The following WDPCP variants were observed in gnomAD, a reference collection of about 807,000 sequenced individuals.
WDPCP encodes WD repeat containing planar cell polarity effector.
A neutral mutation model predicts 93.1 loss-of-function variants in WDPCP; 71 were observed. The ratio of observed to expected loss-of-function variants is 0.76; its 90% CI spans 0.63 to 0.93. The LOEUF (loss-of-function observed/expected upper bound fraction) is 0.93. WDPCP is among the 40% of genes least tolerant of loss of function. WDPCP has a pLI of 0.00. For missense variants in WDPCP, 844 were observed against 887.4 expected (o/e 0.95, Z 0.62); for synonymous variants, 315 against 315.0 (o/e 1.00, Z 0.00).
chr2:63,241,551 C>T (rs955988988), intron 14 of WDPCP, among the ~76,000 whole-genome samples: 18 of 152,068 alleles, frequency 1.2e-4, no homozygotes, highest in Non-Finnish European at 8.8e-5. Context: ...CCATGTATCA[C>T]CTCTTGGATA....
chr2:63,167,611 T>C (rs1447575455), intron 15 of WDPCP, among the ~76,000 whole-genome samples: 1 of 152,204 alleles, frequency 6.6e-6, no homozygotes, highest in Non-Finnish European at 1.5e-5. Flanking sequence ...ACATTGTGAT[T>C]GGAGAGTGTT....
chr2:63,571,029 T>C (rs1575670943), intron 1 of WDPCP, among the ~76,000 whole-genome samples: 1 of 151,984 alleles, frequency 6.6e-6, no homozygotes, highest in South Asian at 2.1e-4. Context: ...CTCAGCCTCC[T>C]GAACAGCTGG....
chr2:63,806,614 C>T (rs907806586), intron 2 of WDPCP, among the ~76,000 whole-genome samples: 8 of 152,224 alleles, frequency 5.3e-5, no homozygotes, highest in South Asian at 2.1e-4. Flanking sequence ...CTATGGGAGA[C>T]GAGTCTATCT....
In WDPCP at chr2:63,121,984, A is replaced by G; in HGVS notation, c.*22T>C. 1 of 1,612,988 alleles carries G rather than the reference A, an allele frequency of 6.2e-7. No individual in the cohort carries two copies. The highest frequency in any genetic ancestry group is 8.5e-7 in the Non-Finnish European group (1 of 1,179,628). ...TGAAAAGTTTAGATATGAAGAAGGC[A>G]GTTTTCTTTTTTTCTTAATGTTTAC... On this transcript the variant is annotated 3_prime_UTR_variant, in exon 18 of 18. Coordinates refer to ENST00000272321, the MANE Select transcript of WDPCP (RefSeq NM_015910.7).
chr2:63,396,513 G>A (rs1053152037), intron 10 of WDPCP, among the ~76,000 whole-genome samples: 6 of 152,124 alleles, frequency 3.9e-5, no homozygotes, highest in Admixed American at 1.3e-4. Context: ...GGACACTTTA[G>A]GCAAAGGGAA....
At chr2:63,829,151 G>C (rs974094849), upstream of WDPCP, among the ~76,000 whole-genome samples, 1 of 152,032 alleles carries the variant, frequency 6.6e-6, no homozygotes, top group Non-Finnish European at 1.5e-5. Flanking sequence ...GTACTTTATT[G>C]ACCAAAACTC....
rs140254140 is a variant in WDPCP, at chr2:63,236,619, C to G, written c.1915+22688G>C. Among the ~76,000 whole-genome samples, 496 of 152,086 alleles carry G rather than the reference C, an allele frequency of 3.3e-3. 1 individual carries two copies. The highest frequency in any genetic ancestry group is 0.011 in the African/African-American group (477 of 41,524). On this transcript the variant is annotated intron_variant, in intron 14 of 17. Coordinates refer to ENST00000272321, the MANE Select transcript of WDPCP (RefSeq NM_015910.7). Reference sequence around the variant, plus strand: ...TAACCGAAACAGCATGGTACTGGTACAAAAACAGATATACAGAATAGAGTG... The same window carrying G: ...TAACCGAAACAGCATGGTACTGGTAGAAAAACAGATATACAGAATAGAGTG...
At chr2:63,526,183 C>T (rs1470987442) in intron 1 of WDPCP, among the ~76,000 whole-genome samples, 7 of 152,034 alleles carry the variant, frequency 4.6e-5, no homozygotes, top group Admixed American at 4.6e-4. Context: ...GGCACAGATC[C>T]CTATAACCAA....
intron 1 of WDPCP, among the ~76,000 whole-genome samples, chr2:63,587,750 C>T (rs952573724): frequency 2.6e-5 from 4 of 152,242 alleles, no homozygotes; most frequent in Admixed American, 1.3e-4. Flanking sequence ...GACTAAACAA[C>T]CAGTGTCTCC....
At chr2:63,277,153 A>G (rs1683147223) in intron 13 of WDPCP, among the ~76,000 whole-genome samples, 1 of 152,014 alleles carries the variant, frequency 6.6e-6, no homozygotes, top group African/African-American at 2.4e-5. Flanking sequence ...GAAAAGATAC[A>G]GTCTTTTCCA....
chr2:63,285,894 C>T (rs1204735958), intron 13 of WDPCP, among the ~76,000 whole-genome samples: 1 of 152,134 alleles, frequency 6.6e-6, no homozygotes, highest in African/African-American at 2.4e-5. Flanking sequence ...AACCAACTGA[C>T]CTAATTATCA....
At chr2:63,482,071 A>T (rs891074791) in intron 6 of WDPCP, among the ~76,000 whole-genome samples, 1 of 151,980 alleles carries the variant, frequency 6.6e-6, no homozygotes, top group Non-Finnish European at 1.5e-5. Context: ...GACAACATCA[A>T]CTAAGCTTTG....
At chr2:63,436,731 C>A (rs979511143) in intron 8 of WDPCP, among the ~76,000 whole-genome samples, 1 of 152,042 alleles carries the variant, frequency 6.6e-6, no homozygotes, top group African/African-American at 2.4e-5. Flanking sequence ...ACTGAAACAG[C>A]CTGGAAAATG....
intron 3 of WDPCP, among the ~76,000 whole-genome samples, chr2:63,609,651 A>G (rs1709594512): frequency 6.6e-6 from 1 of 152,168 alleles, no homozygotes; most frequent in Non-Finnish European, 1.5e-5. Context: ...ACACTTTGGG[A>G]AGCTAAGGTG....
At chr2:63,316,586 G>A (rs1249779753) in intron 12 of WDPCP, among the ~76,000 whole-genome samples, 2 of 152,082 alleles carry the variant, frequency 1.3e-5, no homozygotes, top group East Asian at 1.9e-4. Context: ...CTGGGAGGCA[G>A]AGGTTGCAGT....
intron 12 of WDPCP, among the ~76,000 whole-genome samples, chr2:63,377,673 G>A (rs1417823009): frequency 6.6e-6 from 1 of 151,268 alleles, no homozygotes; most frequent in Non-Finnish European, 1.5e-5. Flanking sequence ...TCTAAATTGT[G>A]TGCTAATTTT....
At chr2:63,476,455 C>A (rs756063649) in intron 6 of WDPCP, among the ~76,000 whole-genome samples, 2 of 152,036 alleles carry the variant, frequency 1.3e-5, no homozygotes, top group Non-Finnish European at 2.9e-5. Flanking sequence ...CTTTTTAGGT[C>A]TAAGTAAAGT....
At position 63,152,901 on chromosome 2, in the gene WDPCP, G is replaced by T. The variant is rs1356975976; in HGVS notation, c.2190+13C>A. 2 of 1,609,434 alleles carry T rather than the reference G, an allele frequency of 1.2e-6. No homozygotes were observed. The highest frequency in any genetic ancestry group is 1.1e-5 in the South Asian group (1 of 90,910). ...ATTTAAATGTCTAGTAATAAACAGA[G>T]AAAGTGTTTTACCTGTTCTCTGCCG... is the stretch of plus-strand genomic sequence containing the variant. On this transcript the variant is annotated intron_variant, in intron 17 of 17. Transcript: ENST00000272321.
At chr2:63,513,637 T>C (rs1367370286) in intron 1 of WDPCP, among the ~76,000 whole-genome samples, 2 of 152,164 alleles carry the variant, frequency 1.3e-5, no homozygotes, top group Admixed American at 1.3e-4. Flanking sequence ...GGTTACTATC[T>C]CCTTTCTCTC....
Sources: gnomAD v4.1 joint callset for allele counts (sites outside exome capture counted in the v4.1 genomes callset) on GRCh38, gnomAD v4.1.1 for gene constraint, MANE v1.5 for transcripts, NCBI Gene and HGNC (gene_info 2026-07-23, HGNC 2026-07-21) for gene names.